Variants in DOCK5 observed in about 807,000 individuals in gnomAD.
The protein encoded by DOCK5 is dedicator of cytokinesis 5, also known as dedicator of cytokinesis protein 5.
In DOCK5, 142 loss-of-function variants were observed where a neutral mutation model predicts 251.8. That is an observed-to-expected ratio of 0.56 (90% CI 0.49 to 0.65). The LOEUF (loss-of-function observed/expected upper bound fraction) is 0.65, where lower values mean the gene tolerates loss of function less well. Among genes scored for constraint, DOCK5 ranks in the 30% least tolerant of loss-of-function variants. The pLI, the probability that DOCK5 is intolerant of heterozygous loss-of-function variation, is 0.00. For synonymous variants in DOCK5, 842 were observed against 835.5 expected, an observed-to-expected ratio of 1.01 and a Z score of -0.13; for missense variants, 2,111 against 2,312.3, an observed-to-expected ratio of 0.91 and a Z score of 1.79.
At chr8:25,240,024 T>TGGGAAGAGCC (rs1337988864) in intron 1 of DOCK5, among the ~76,000 whole-genome samples, 1 of 152,086 alleles carries the variant, frequency 6.6e-6, no homozygotes, top group Non-Finnish European at 1.5e-5. Flanking sequence ...AGGGAAGAGC[T>TGGGAAGAGCC]GGGAAGAGCC....
At position 25,292,113 on chromosome 8, in the gene DOCK5, C is replaced by G; in HGVS notation, c.411C>G (p.Pro137=). ...CCCAGATCCTGTCTGGGACGCTCCCCAAGGATGAACTGGCAGAGCTCAAGA... is the reference window on the plus strand; with the variant it reads ...CCCAGATCCTGTCTGGGACGCTCCCGAAGGATGAACTGGCAGAGCTCAAGA... ...WRSQILSGTL[P]KDELAELKKK... is the part of the protein sequence containing the mutation. The change falls in exon 6 of 52, where the codon CCC becomes CCG. Residue 137 remains proline (P), a synonymous_variant. Coordinates refer to ENST00000276440, the MANE Select transcript of DOCK5 (RefSeq NM_024940.8). 1 of 1,588,918 alleles carries G rather than the reference C, an allele frequency of 6.3e-7. No individual in the cohort carries two copies. Among genetic ancestry groups the G allele is most frequent in the Non-Finnish European group, 8.6e-7 (1 of 1,167,142 alleles).
At chr8:25,239,482 G>A (rs1314993302) in intron 1 of DOCK5, among the ~76,000 whole-genome samples, 2 of 151,888 alleles carry the variant, frequency 1.3e-5, no homozygotes, top group Non-Finnish European at 2.9e-5. Flanking sequence ...GGTGAAGCTT[G>A]GTCATTACAC....
At position 25,390,304 on chromosome 8, in the gene DOCK5, TTA is replaced by T; in HGVS notation, c.4355+18_4355+19del. The T allele has an allele frequency of 2.6e-6, 4 of 1,513,414 alleles. No homozygotes were observed. The Admixed American group carries it at 6.8e-5, about 26-fold the overall frequency. 93.7% of individuals were successfully genotyped at this position (1,513,414 alleles called of 1,614,324 possible). ...GATCTTAAAGTAAGTGGTTTTTCAT[TTA>T]AAAAAAAAAAAAATCTGTGTCTAGG... On this transcript the variant is annotated intron_variant, in intron 42 of 51. Coordinates refer to ENST00000276440, the MANE Select transcript of DOCK5 (RefSeq NM_024940.8).
chr8:25,382,004 A>G (rs1801076155), intron 39 of DOCK5, among the ~76,000 whole-genome samples: 1 of 152,150 alleles, frequency 6.6e-6, no homozygotes, highest in African/African-American at 2.4e-5. Context: ...CTTTTTAAAA[A>G]TGTTCTTTAT....
intron 5 of DOCK5, among the ~76,000 whole-genome samples, chr8:25,288,522 A>G (rs1290214126): frequency 6.6e-6 from 1 of 152,228 alleles, no homozygotes; most frequent in Non-Finnish European, 1.5e-5. Flanking sequence ...AACTGAGACT[A>G]AGAACTTGTG....
rs992772889 is a variant in DOCK5 at position 25,315,191 on chromosome 8, C to T, written c.1319-1816C>T. On this transcript the variant is annotated intron_variant, in intron 13 of 51. Coordinates refer to ENST00000276440, the MANE Select transcript of DOCK5 (RefSeq NM_024940.8). Reference sequence around the variant, plus strand: ...GGGATCTGACTTATATCTGTCTCTGCAGCCTCATCTCACACCAGACACCCC... The same window carrying T: ...GGGATCTGACTTATATCTGTCTCTGTAGCCTCATCTCACACCAGACACCCC... 1.1e-4 allele frequency among the ~76,000 whole-genome samples: 15 copies of T among 131,882 alleles called. 1 individual carries two copies. Among genetic ancestry groups the T allele is most frequent in the African/African-American group, 3.8e-4 (14 of 37,110 alleles). The allele number at this position is 131,882 out of a possible 152,430, so 86.5% of individuals were successfully genotyped here.
rs1432013907 is a variant in DOCK5 at position 25,345,600 on chromosome 8, A to C, written c.2743A>C (p.Arg915=). The change falls in exon 26 of 52, where the codon AGG becomes CGG. Residue 915 remains arginine (R), a synonymous_variant. Coordinates refer to ENST00000276440, the MANE Select transcript of DOCK5 (RefSeq NM_024940.8). ...LLSNILEVLD[R]KDVGATAVHI... ...GAGCAACATCCTGGAGGTGCTGGACAGGAAGGATGTGGTGAGTTGAGTCAT... is the reference window on the plus strand; with the variant it reads ...GAGCAACATCCTGGAGGTGCTGGACCGGAAGGATGTGGTGAGTTGAGTCAT... 1.9e-6 allele frequency: 3 copies of C among 1,613,800 alleles called. No homozygotes were observed. Among genetic ancestry groups the C allele is most frequent in the South Asian group, 2.2e-5 (2 of 91,080 alleles).
At position 25,321,017 on chromosome 8, in the gene DOCK5, T is replaced by C. The variant is rs1352503188; in HGVS notation, c.1580T>C (p.Ile527Thr). 2.5e-6 allele frequency: 4 copies of C among 1,613,528 alleles called. No homozygotes were observed. Among genetic ancestry groups the C allele is most frequent in the East Asian group, 2.2e-5 (1 of 44,886 alleles). ...IAIEEVTRCH[I>T]RFTFRHRSSQ... ...ATAGAAGAAGTCACACGCTGTCATA[T>C]AAGATTTACCTTCCGACACAGGTCA... Residue 527 changes from isoleucine to threonine, a missense_variant, in exon 16 of 52, where the codon ATA (isoleucine) becomes ACA (threonine). Physicochemically the swap from Ile to Thr is moderately conservative, Grantham distance 89. This residue lies in a region of DOCK5 where 1,717 missense variants were observed against 1,892.4 expected (regional missense o/e 0.91). Transcript: ENST00000276440.
At chr8:25,378,918 C>T (rs971883939) in intron 38 of DOCK5, among the ~76,000 whole-genome samples, 1 of 152,186 alleles carries the variant, frequency 6.6e-6, no homozygotes, top group African/African-American at 2.4e-5. Context: ...CCGGGGGCGA[C>T]ATCACATATC....
intron 40 of DOCK5, among the ~76,000 whole-genome samples, chr8:25,387,879 T>C (rs891365870): frequency 2.0e-5 from 3 of 152,208 alleles, no homozygotes; most frequent in African/African-American, 7.2e-5. Context: ...TAATTCTTCC[T>C]GACCTGCTTC....
intron 1 of DOCK5, among the ~76,000 whole-genome samples, chr8:25,196,436 G>A (rs1217462224): frequency 6.6e-6 from 1 of 152,190 alleles, no homozygotes; most frequent in African/African-American, 2.4e-5. Flanking sequence ...AAGAGCATAT[G>A]TACTGTACAC....
chr8:25,279,766 C>T (rs1015653613), intron 5 of DOCK5, among the ~76,000 whole-genome samples: 5 of 151,738 alleles, frequency 3.3e-5, no homozygotes, highest in African/African-American at 1.2e-4. Flanking sequence ...AGGCGTGTGC[C>T]ACCCCGCCTG....
At chr8:25,368,861 T>C in intron 33 of DOCK5, 136 bp downstream of exon 33, 1 of 1,072,140 alleles carries the variant, frequency 9.3e-7, no homozygotes. Flanking sequence ...TACATTTCAT[T>C]TTATAAAGCA....
At chr8:25,383,048 G>A (rs923748046) in intron 40 of DOCK5, among the ~76,000 whole-genome samples, 7 of 152,144 alleles carry the variant, frequency 4.6e-5, no homozygotes, top group Admixed American at 2.0e-4. Flanking sequence ...CAGCTGCTAC[G>A]GGTCACGCCA....
intron 5 of DOCK5, among the ~76,000 whole-genome samples, chr8:25,289,543 T>TA (rs1202765276): frequency 6.6e-6 from 1 of 151,440 alleles, no homozygotes. Context: ...CTTTCAACTA[T>TA]AAAGAAGAAA....
intron 40 of DOCK5, 62 bp downstream of exon 40, chr8:25,382,840 C>G: frequency 7.2e-7 from 1 of 1,380,676 alleles, no homozygotes; most frequent in South Asian, 1.3e-5. Context: ...CATTTCTTTT[C>G]CAGATGGGCA....
intron 51 of DOCK5, among the ~76,000 whole-genome samples, chr8:25,410,959 G>GTGTGTGTGT (rs1801614837): frequency 3.3e-5 from 1 of 29,880 alleles, no homozygotes; most frequent in Admixed American, 5.2e-4. Flanking sequence ...GTGTGTGTGT[G>GTGTGTGTGT]TGTGTGTGTG....
At position 25,377,327 on chromosome 8, in the gene DOCK5, C is replaced by T. The variant is rs773246540; in HGVS notation, c.3839C>T (p.Pro1280Leu). 11 of 1,613,172 alleles carry T rather than the reference C, an allele frequency of 6.8e-6. No homozygotes were observed. In the African/African-American group the frequency reaches 1.1e-4, roughly 16 times the overall value. ...CAGTGGTCTGACAAGCCCTGTGTGC[C>T]TCATTTGCTTCAGAAGGACAGTTAC... Reference protein sequence around the residue: ...LLQWSDKPCVPHLLQKDSYYV... With the variant: ...LLQWSDKPCVLHLLQKDSYYV... The change falls in exon 38 of 52, where the codon CCT becomes CTT. Residue 1280 changes from proline to leucine, a missense_variant. This residue lies in a region of DOCK5 where 1,717 missense variants were observed against 1,892.4 expected (regional missense o/e 0.91). Coordinates refer to ENST00000276440, the MANE Select transcript of DOCK5 (RefSeq NM_024940.8).
chr8:25,276,521 G>A (rs530473842), intron 4 of DOCK5, among the ~76,000 whole-genome samples: 4 of 152,180 alleles, frequency 2.6e-5, no homozygotes, highest in African/African-American at 9.6e-5. Context: ...AGAGGCTGGG[G>A]TAGGACTGGA....
Sources: gnomAD v4.1 joint callset for allele counts (sites outside exome capture counted in the v4.1 genomes callset) on GRCh38, gnomAD v4.1.1 for gene constraint, gnomAD v4.1.1 regional missense constraint, MANE v1.5 for transcripts, NCBI Gene and HGNC (gene_info 2026-07-23, HGNC 2026-07-21) for gene names.